GRIN2B: variants seen among roughly 807,000 people sequenced by gnomAD.
The protein encoded by GRIN2B is glutamate ionotropic receptor NMDA type subunit 2B.
GRIN2B carries 5 observed loss-of-function variants against 114.5 expected under a neutral mutation model. That is an observed-to-expected ratio of 0.04 (90% confidence interval 0.02 to 0.09). The LOEUF (loss-of-function observed/expected upper bound fraction) is 0.09. GRIN2B is among the 10% of genes least tolerant of loss of function. The pLI is 1.00. For missense variants in GRIN2B, 1,108 were observed against 1,943.5 expected (o/e 0.57, Z 8.08); for synonymous variants, 787 against 745.1 (o/e 1.06, Z -0.92).
intron 5 of GRIN2B, among the ~76,000 whole-genome samples, chr12:13,637,201 G>C (rs1949673907): frequency 6.6e-6 from 1 of 152,140 alleles, no homozygotes; most frequent in African/African-American, 2.4e-5. Context: ...TCAGGCAATA[G>C]ATGAGAAATT....
rs1329163120 is a variant in GRIN2B, at chr12:13,759,011, T to G, written c.412-5096A>C. On this transcript the variant is annotated intron_variant, in intron 3 of 13. Coordinates refer to ENST00000609686, the MANE Select transcript of GRIN2B (RefSeq NM_000834.5). ...TCATCTAGTTCAATTTTTTTTTTTT[T>G]TTTTTTTTTTTTTTTGAGACGAAGT... 1.1e-4 allele frequency among the ~76,000 whole-genome samples: 15 copies of G among 140,370 alleles called. No individual in the cohort carries two copies. In the East Asian group the frequency reaches 2.8e-3, roughly 27 times the overall value. The allele number at this position is 140,370 out of a possible 152,430, so 92.1% of individuals were successfully genotyped here.
chr12:13,642,221 C>CAAACA (rs912222983), intron 5 of GRIN2B, among the ~76,000 whole-genome samples: 4 of 151,756 alleles, frequency 2.6e-5, no homozygotes, highest in African/African-American at 9.7e-5. Context: ...AACAAACAAA[C>CAAACA]AAGCTAGCTA....
At chr12:13,742,342 C>T (rs1266340587) in intron 4 of GRIN2B, among the ~76,000 whole-genome samples, 1 of 152,212 alleles carries the variant, frequency 6.6e-6, no homozygotes, top group Non-Finnish European at 1.5e-5. Flanking sequence ...TATACCTAAG[C>T]TATTGTTATC....
At chr12:13,603,511 C>T (rs1949192971) in intron 10 of GRIN2B, among the ~76,000 whole-genome samples, 1 of 151,946 alleles carries the variant, frequency 6.6e-6, no homozygotes, top group Non-Finnish European at 1.5e-5. Context: ...ATTAATAGCA[C>T]CATTATATAA....
chr12:13,862,886 C>T (rs987981282), intron 3 of GRIN2B, among the ~76,000 whole-genome samples: 13 of 152,216 alleles, frequency 8.5e-5, no homozygotes, highest in Non-Finnish European at 1.6e-4. Flanking sequence ...CAGCATCGAA[C>T]GCCTGGGGCT....
rs147027675 is a variant in GRIN2B at position 13,729,480 on chromosome 12, A to G, written c.1010+23837T>C. ...GTCTTGGGCTGGGTGTAGCCTGTTCATGGAGAGACAGTCTTGGAGGCGGGT... is the reference window on the plus strand; with the variant it reads ...GTCTTGGGCTGGGTGTAGCCTGTTCGTGGAGAGACAGTCTTGGAGGCGGGT... On this transcript the variant is annotated intron_variant, in intron 4 of 13. Transcript: ENST00000609686. Among the ~76,000 whole-genome samples the G allele has an allele frequency of 7.9e-5, 12 of 152,226 alleles. No homozygotes were observed. In the East Asian group the frequency reaches 2.3e-3, roughly 29 times the overall value.
intron 3 of GRIN2B, among the ~76,000 whole-genome samples, chr12:13,768,783 C>T (rs1863849342): frequency 6.6e-6 from 1 of 152,122 alleles, no homozygotes; most frequent in African/African-American, 2.4e-5. Flanking sequence ...GCCTGTAATC[C>T]CAGCACTTTG....
rs1434385030 is a variant in GRIN2B at position 13,560,688 on chromosome 12, C to T, written c.*2095G>A. 6.6e-6 allele frequency: 1 copy of T among 152,260 alleles called. No individual in the cohort carries two copies. The highest frequency in any genetic ancestry group is 1.9e-4 in the East Asian group (1 of 5,176). 9.4% of individuals were successfully genotyped at this position (152,260 alleles called of 1,614,324 possible). ...AAGGTAAAGCACTCCGTGCTCCTCT[C>T]ACCAAATCTGTGAGAGGTTCAGCCC... On this transcript the variant is annotated 3_prime_UTR_variant, in exon 14 of 14. Coordinates refer to ENST00000609686, the MANE Select transcript of GRIN2B (RefSeq NM_000834.5).
chr12:13,918,024 G>C (rs1866761880), intron 2 of GRIN2B, among the ~76,000 whole-genome samples: 1 of 152,040 alleles, frequency 6.6e-6, no homozygotes, highest in African/African-American at 2.4e-5. Context: ...ATAGAATTCA[G>C]GTCCCCAGAA....
At chr12:13,715,445 G>T (rs1012196587) in intron 4 of GRIN2B, among the ~76,000 whole-genome samples, 1 of 151,846 alleles carries the variant, frequency 6.6e-6, no homozygotes, top group Non-Finnish European at 1.5e-5. Context: ...GAATAGTCTT[G>T]CTCTGAAGGT....
At chr12:13,954,920 C>T (rs1867562429) in intron 2 of GRIN2B, among the ~76,000 whole-genome samples, 1 of 150,678 alleles carries the variant, frequency 6.6e-6, no homozygotes, top group South Asian at 2.1e-4. Flanking sequence ...GCAACTGAGA[C>T]CTCCAATTAT....
At chr12:13,909,237 A>T (rs1311300194) in intron 2 of GRIN2B, among the ~76,000 whole-genome samples, 5 of 152,220 alleles carry the variant, frequency 3.3e-5, no homozygotes, top group Admixed American at 3.3e-4. Context: ...CATGTATAGA[A>T]GATCATATGC....
intron 3 of GRIN2B, among the ~76,000 whole-genome samples, chr12:13,756,037 C>A (rs1266276977): frequency 6.6e-6 from 1 of 151,982 alleles, no homozygotes; most frequent in African/African-American, 2.4e-5. Context: ...TTTTTTATCC[C>A]CCCAGAGTCT....
chr12:13,917,856 C>A (rs1422498182), intron 2 of GRIN2B, among the ~76,000 whole-genome samples: 4 of 152,014 alleles, frequency 2.6e-5, no homozygotes, highest in South Asian at 4.2e-4. Flanking sequence ...TTTTATTATA[C>A]TATATGCTAG....
chr12:13,808,047 C>A (rs1473511681), intron 3 of GRIN2B, among the ~76,000 whole-genome samples: 2 of 152,118 alleles, frequency 1.3e-5, no homozygotes, highest in East Asian at 3.9e-4. Flanking sequence ...ACATCTGCTG[C>A]CTTTCTAAGG....
intron 3 of GRIN2B, among the ~76,000 whole-genome samples, chr12:13,843,178 T>G (rs1591762971): frequency 6.7e-6 from 1 of 148,438 alleles, no homozygotes; most frequent in South Asian, 2.1e-4. Flanking sequence ...GAAAACCACC[T>G]CAAAAACACC....
At chr12:13,664,821 T>G (rs1413992015) in intron 5 of GRIN2B, among the ~76,000 whole-genome samples, 1 of 152,214 alleles carries the variant, frequency 6.6e-6, no homozygotes, top group Non-Finnish European at 1.5e-5. Flanking sequence ...TTCATGTTAC[T>G]GTCCCACTAA....
intron 2 of GRIN2B, among the ~76,000 whole-genome samples, chr12:13,904,668 T>C (rs1413107650): frequency 6.6e-6 from 1 of 152,130 alleles, no homozygotes; most frequent in Non-Finnish European, 1.5e-5. Context: ...CTAGTTTTTA[T>C]TTTTCCAAAT....
rs530379442 is a variant in GRIN2B, at chr12:13,961,446, G to A, written c.-19+18482C>T. 7.2e-5 allele frequency among the ~76,000 whole-genome samples: 11 copies of A among 152,120 alleles called. No individual in the cohort carries two copies. The South Asian group carries it at 1.7e-3, about 23-fold the overall frequency. ...AAGAATTGGAGGGCACATTTTTGCC[G>A]GTAAGTGGTTGATCTGCAATGGAAA... On this transcript the variant is annotated intron_variant, in intron 2 of 13. Coordinates refer to ENST00000609686, the MANE Select transcript of GRIN2B (RefSeq NM_000834.5).
Sources: gnomAD v4.1 joint callset for allele counts (sites outside exome capture counted in the v4.1 genomes callset) on GRCh38, gnomAD v4.1.1 for gene constraint, MANE v1.5 for transcripts, NCBI Gene and HGNC (gene_info 2026-07-23, HGNC 2026-07-21) for gene names.